The following LRRC4C variants were observed in gnomAD, a reference collection of about 807,000 sequenced individuals.
LRRC4C encodes the protein leucine-rich repeat-containing protein 4C.
LRRC4C carries 5 observed loss-of-function variants against 33.6 expected under a neutral mutation model. The observed-to-expected ratio is 0.15, with a 90% confidence interval of 0.08 to 0.31. The LOEUF is 0.31. LRRC4C is among the 10% of genes least tolerant of loss of function. The pLI, the probability that LRRC4C is intolerant of heterozygous loss-of-function variation, is 1.00. For missense variants in LRRC4C, 560 were observed against 796.7 expected, an observed-to-expected ratio of 0.70 and a Z score of 3.58; for synonymous variants, 329 against 302.0, an observed-to-expected ratio of 1.09 and a Z score of -0.93.
intron 2 of LRRC4C, among the ~76,000 whole-genome samples, chr11:40,709,411 A>G (rs1477169754): frequency 6.6e-6 from 1 of 151,940 alleles, no homozygotes; most frequent in Non-Finnish European, 1.5e-5. Context: ...TGGTGACAAA[A>G]TCTCTCAGCA....
At chr11:40,698,227 C>G (rs7942180) in intron 2 of LRRC4C, among the ~76,000 whole-genome samples, 2,493 of 152,106 alleles carry the variant, frequency 0.016, 37 homozygotes, top group South Asian at 0.03. Flanking sequence ...GGAAATGACC[C>G]CTTTGCCTTA....
intron 1 of LRRC4C, among the ~76,000 whole-genome samples, chr11:41,103,755 A>G (rs1284024259): frequency 6.6e-6 from 1 of 152,008 alleles, no homozygotes; most frequent in Non-Finnish European, 1.5e-5. Flanking sequence ...ATAGGAATCA[A>G]GAGAGTATGG....
At chr11:40,657,241 T>A (rs1943169338) in intron 2 of LRRC4C, among the ~76,000 whole-genome samples, 1 of 152,202 alleles carries the variant, frequency 6.6e-6, no homozygotes. Flanking sequence ...AGTCTTCATG[T>A]TTCTTCCAGA....
At chr11:40,216,573 A>C (rs1174740040) in intron 5 of LRRC4C, among the ~76,000 whole-genome samples, 1 of 152,158 alleles carries the variant, frequency 6.6e-6, no homozygotes, top group East Asian at 1.9e-4. Context: ...AAATGAGATT[A>C]AGAAGCGGAA....
chr11:40,763,622 T>A (rs145746266), intron 2 of LRRC4C, among the ~76,000 whole-genome samples: 1 of 152,296 alleles, frequency 6.6e-6, no homozygotes, highest in Non-Finnish European at 1.5e-5. Context: ...GCAGTGTCTG[T>A]GTGGCACAGA....
chr11:40,962,848 G>A (rs1381680503), intron 1 of LRRC4C, among the ~76,000 whole-genome samples: 1 of 151,714 alleles, frequency 6.6e-6, no homozygotes, highest in Non-Finnish European at 1.5e-5. Flanking sequence ...TAAGATGGAA[G>A]CTGGGAATAG....
At chr11:40,184,695 C>T (rs983669522) in intron 5 of LRRC4C, among the ~76,000 whole-genome samples, 2 of 152,186 alleles carry the variant, frequency 1.3e-5, no homozygotes, top group East Asian at 1.9e-4. Flanking sequence ...AATCCACATG[C>T]GTCACTTACA....
In LRRC4C at chr11:40,604,403, T is replaced by C. The variant is rs1195216370; in HGVS notation, c.-270+43739A>G. On this transcript the variant is annotated intron_variant, in intron 3 of 6. Transcript: ENST00000528697. ...ATCATCTTACTTACATTTCTTCTCTTATATCTCAGAAGAACTCCGCAAAGT... is the reference window on the plus strand; with the variant it reads ...ATCATCTTACTTACATTTCTTCTCTCATATCTCAGAAGAACTCCGCAAAGT... 3.3e-5 allele frequency among the ~76,000 whole-genome samples: 5 copies of C among 152,120 alleles called. No individual in the cohort carries two copies. The East Asian group carries it at 9.6e-4, about 29-fold the overall frequency.
intron 3 of LRRC4C, among the ~76,000 whole-genome samples, chr11:40,641,984 CA>C (rs1942148393): frequency 1.3e-5 from 2 of 150,168 alleles, no homozygotes; most frequent in South Asian, 4.2e-4. Context: ...TGCTCATTTT[CA>C]AGGACAGCCA....
At chr11:40,388,384 G>A (rs942570527) in intron 3 of LRRC4C, among the ~76,000 whole-genome samples, 1 of 152,138 alleles carries the variant, frequency 6.6e-6, no homozygotes, top group South Asian at 2.1e-4. Flanking sequence ...TGGTGATGGG[G>A]CCAGCCACAA....
chr11:41,015,862 G>A (rs1487753522), intron 1 of LRRC4C, among the ~76,000 whole-genome samples: 1 of 152,044 alleles, frequency 6.6e-6, no homozygotes, highest in African/African-American at 2.4e-5. Flanking sequence ...TTATCCGGGC[G>A]TGGTGGCGGG....
chr11:40,216,993 A>T (rs1864025366), intron 5 of LRRC4C, among the ~76,000 whole-genome samples: 1 of 152,208 alleles, frequency 6.6e-6, no homozygotes, highest in Non-Finnish European at 1.5e-5. Flanking sequence ...CTTTAAGCTC[A>T]TTAATAATGG....
intron 2 of LRRC4C, among the ~76,000 whole-genome samples, chr11:40,838,978 A>G (rs538978415): frequency 2.6e-5 from 4 of 152,132 alleles, no homozygotes; most frequent in Admixed American, 6.6e-5. Flanking sequence ...AATAGGACCA[A>G]TTGAGTTAAC....
At chr11:40,964,628 T>G (rs1426869681) in intron 1 of LRRC4C, among the ~76,000 whole-genome samples, 2 of 151,336 alleles carry the variant, frequency 1.3e-5, no homozygotes, top group Non-Finnish European at 2.9e-5. Context: ...GTGTTTGGTT[T>G]TTTGTCCTTG....
intron 3 of LRRC4C, among the ~76,000 whole-genome samples, chr11:40,333,125 A>G (rs562959559): frequency 1.3e-5 from 2 of 152,188 alleles, no homozygotes; most frequent in South Asian, 2.1e-4. Flanking sequence ...AGTGAAGGCC[A>G]CCAAAAATAT....
At chr11:40,250,884 G>T (rs1408052516) in intron 4 of LRRC4C, among the ~76,000 whole-genome samples, 1 of 152,142 alleles carries the variant, frequency 6.6e-6, no homozygotes, top group Non-Finnish European at 1.5e-5. Flanking sequence ...ATATGAACTT[G>T]TGATGACAGA....
intron 2 of LRRC4C, among the ~76,000 whole-genome samples, chr11:40,921,417 C>A (rs190983566): frequency 6.6e-6 from 1 of 152,206 alleles, no homozygotes; most frequent in Non-Finnish European, 1.5e-5. Flanking sequence ...GACAGCCAGC[C>A]AGGAGAAAAA....
chr11:41,075,052 T>TC (rs1939041004), intron 1 of LRRC4C, among the ~76,000 whole-genome samples: 1 of 68,682 alleles, frequency 1.5e-5, no homozygotes, highest in Admixed American at 2.0e-4. Flanking sequence ...TAATGTTTTT[T>TC]TTTTTTTTTT....
chr11:40,392,485 TA>T (rs1157800123), intron 3 of LRRC4C, among the ~76,000 whole-genome samples: 1 of 152,110 alleles, frequency 6.6e-6, no homozygotes, highest in Non-Finnish European at 1.5e-5. Context: ...AAAATTGCTC[TA>T]AAAATAATGT....
Sources: gnomAD v4.1 joint callset for allele counts (sites outside exome capture counted in the v4.1 genomes callset) on GRCh38, gnomAD v4.1.1 for gene constraint, MANE v1.5 for transcripts, NCBI Gene and HGNC (gene_info 2026-07-23, HGNC 2026-07-21) for gene names.